The following STIM2 variants were observed in gnomAD, a reference collection of about 807,000 sequenced individuals.
STIM2 encodes stromal interaction molecule 2.
A neutral mutation model predicts 85.8 loss-of-function variants in STIM2; 31 were observed. That is an observed-to-expected ratio of 0.36 (90% confidence interval 0.27 to 0.49). The LOEUF is 0.49. Among genes scored for constraint, STIM2 ranks in the 20% least tolerant of loss-of-function variants. The pLI, the probability that STIM2 is intolerant of heterozygous loss-of-function variation, is 0.98. For missense variants in STIM2, 841 were observed against 927.6 expected (o/e 0.91, Z 1.21); for synonymous variants, 356 against 331.1 (o/e 1.08, Z -0.82).
At chr4:27,022,005 G>A (rs576808294) in intron 11 of STIM2, among the ~76,000 whole-genome samples, 5 of 152,120 alleles carry the variant, frequency 3.3e-5, no homozygotes, top group South Asian at 2.1e-4. Flanking sequence ...GATGTGCCTC[G>A]ATTCCCTGCC....
chr4:26,933,174 A>G (rs1444807928), intron 2 of STIM2, among the ~76,000 whole-genome samples: 1 of 151,648 alleles, frequency 6.6e-6, no homozygotes, highest in Non-Finnish European at 1.5e-5. Flanking sequence ...AGTCTGCAGA[A>G]CTGCTATTGA....
At chr4:26,981,075 A>G (rs763878781) in intron 3 of STIM2, among the ~76,000 whole-genome samples, 7 of 152,194 alleles carry the variant, frequency 4.6e-5, no homozygotes, top group Non-Finnish European at 1.0e-4. Context: ...TCCCAGATAG[A>G]CAAAATCCAA....
intron 2 of STIM2, among the ~76,000 whole-genome samples, chr4:26,937,359 C>T (rs959728189): frequency 6.6e-6 from 1 of 152,130 alleles, no homozygotes; most frequent in African/African-American, 2.4e-5. Context: ...TTCCCTTTTT[C>T]AGTTCCAGCC....
chr4:26,896,874 C>T (rs1723730386), intron 1 of STIM2, among the ~76,000 whole-genome samples: 1 of 152,170 alleles, frequency 6.6e-6, no homozygotes, highest in Non-Finnish European at 1.5e-5. Flanking sequence ...CATAGTCAAA[C>T]CCTATTCCTA....
At chr4:26,887,839 A>G (rs934396629) in intron 1 of STIM2, among the ~76,000 whole-genome samples, 1 of 152,260 alleles carries the variant, frequency 6.6e-6, no homozygotes, top group African/African-American at 2.4e-5. Context: ...CTACATATCT[A>G]CATAGATAGA....
chr4:27,008,402 C>CT, intron 8 of STIM2, 26 bp from the exon 9 acceptor site: 4 of 1,446,278 alleles, frequency 2.8e-6, no homozygotes, highest in South Asian at 1.4e-5. Flanking sequence ...CAAACCTAGC[C>CT]TTATTTAGTC....
chr4:26,885,542 G>A (rs959018383), intron 1 of STIM2, among the ~76,000 whole-genome samples: 12 of 151,768 alleles, frequency 7.9e-5, no homozygotes, highest in African/African-American at 2.9e-4. Context: ...GGAAAATAGG[G>A]GTATCAAGGC....
At chr4:27,014,387 T>G (rs1728664307) in intron 10 of STIM2, among the ~76,000 whole-genome samples, 1 of 151,902 alleles carries the variant, frequency 6.6e-6, no homozygotes, top group Non-Finnish European at 1.5e-5. Context: ...CATCAAATAT[T>G]AAAAGGTTTT....
In STIM2 at chr4:26,860,924, C is replaced by A; in HGVS notation, c.-295C>A. 9.9e-7 allele frequency: 1 copy of A among 1,010,206 alleles called. No homozygotes were observed. The highest frequency in any genetic ancestry group is 1.2e-6 in the Non-Finnish European group (1 of 824,204). 62.6% of individuals were successfully genotyped at this position (1,010,206 alleles called of 1,614,324 possible). On this transcript the variant is annotated 5_prime_UTR_variant, in exon 1 of 12. Transcript: ENST00000467087. ...GACGCCGTACCTTTCTACCCCCCAC[C>A]TTTTTTTTTTTTTTTTTTAAATAAC...
At chr4:26,971,054 T>C (rs555984478) in intron 3 of STIM2, among the ~76,000 whole-genome samples, 1 of 152,356 alleles carries the variant, frequency 6.6e-6, no homozygotes, top group East Asian at 1.9e-4. Context: ...TTGAGAAGTG[T>C]CTGTTCATAT....
intron 2 of STIM2, among the ~76,000 whole-genome samples, chr4:26,951,812 A>G (rs1022465842): frequency 4.6e-5 from 7 of 152,144 alleles, no homozygotes; most frequent in Non-Finnish European, 2.9e-5. Context: ...GATTGGATAT[A>G]ATGTTAACTT....
At chr4:26,979,922 TTTTC>T (rs1194894508) in intron 3 of STIM2, among the ~76,000 whole-genome samples, 2 of 152,198 alleles carry the variant, frequency 1.3e-5, no homozygotes, top group African/African-American at 4.8e-5. Flanking sequence ...CATTTTCTAT[TTTTC>T]TTTTTTATTT....
rs912894254 is a variant in STIM2, at chr4:26,861,326, C to T, written c.108C>T (p.Ser36=). ...CTGGCTCTGCCGCAACTGCCGCCTC[C>T]TCTCCCGCCGCGGCGGCCGGCGATA... Residue 36 remains serine (S), a synonymous_variant, in exon 1 of 12, where the codon TCC becomes TCT. Transcript: ENST00000467087. 5.0e-6 allele frequency: 7 copies of T among 1,390,534 alleles called. No individual in the cohort carries two copies. In the African/African-American group the frequency reaches 1.1e-4, roughly 21 times the overall value. 86.1% of individuals were successfully genotyped at this position (1,390,534 alleles called of 1,614,324 possible). A position where few individuals can be genotyped will look rare whatever the true frequency, so the allele number is the denominator to read the frequency against.
intron 3 of STIM2, among the ~76,000 whole-genome samples, chr4:26,981,833 T>G (rs1269763554): frequency 1.3e-5 from 2 of 152,248 alleles, no homozygotes; most frequent in African/African-American, 4.8e-5. Context: ...TTCTTTTTAT[T>G]ATATCATTTT....
At chr4:26,941,799 A>G (rs533560840) in intron 2 of STIM2, among the ~76,000 whole-genome samples, 3 of 152,112 alleles carry the variant, frequency 2.0e-5, no homozygotes. Flanking sequence ...CAAATTCTTA[A>G]TGGCTTAAAG....
At chr4:26,945,170 C>T (rs1459620351) in intron 2 of STIM2, among the ~76,000 whole-genome samples, 1 of 152,148 alleles carries the variant, frequency 6.6e-6, no homozygotes, top group East Asian at 1.9e-4. Context: ...TCATTTAGCT[C>T]CCACTTACAA....
chr4:26,903,662 G>A (rs1577427792), intron 1 of STIM2, among the ~76,000 whole-genome samples: 1 of 152,130 alleles, frequency 6.6e-6, no homozygotes, highest in Non-Finnish European at 1.5e-5. Context: ...CTAAAGGCTA[G>A]CTCAGCTGAG....
chr4:26,950,148 A>G (rs1725991409), intron 2 of STIM2, among the ~76,000 whole-genome samples: 1 of 152,192 alleles, frequency 6.6e-6, no homozygotes, highest in Non-Finnish European at 1.5e-5. Context: ...CAACTTAATT[A>G]GAGCTCTAGT....
chr4:27,008,041 A>C, intron 8 of STIM2: 1 of 713,254 alleles, frequency 1.4e-6, no homozygotes, highest in Non-Finnish European at 2.6e-6. Context: ...TTGACACTTA[A>C]ATTGTGTGGA....
Sources: gnomAD v4.1 joint callset for allele counts (sites outside exome capture counted in the v4.1 genomes callset) on GRCh38, gnomAD v4.1.1 for gene constraint, MANE v1.5 for transcripts, NCBI Gene and HGNC (gene_info 2026-07-23, HGNC 2026-07-21) for gene names.